Variants in STS observed in about 807,000 individuals in gnomAD.
STS encodes the protein steroid sulfatase, also known as steryl-sulfatase.
Under a neutral mutation model 26.8 loss-of-function variants are expected in STS, and 7 were observed. The observed-to-expected ratio is 0.26, with a 90% CI of 0.15 to 0.49. The LOEUF (loss-of-function observed/expected upper bound fraction) is 0.49. Ranked by LOEUF, STS falls within the 20% of genes least tolerant of loss-of-function variation. The probability of loss-of-function intolerance (pLI) is 0.98; values close to 1 mark genes in which losing one functional copy is unlikely to be tolerated. For synonymous variants in STS, 199 were observed against 189.4 expected, an observed-to-expected ratio of 1.05 and a Z score of -0.42; for missense variants, 434 against 465.6, an observed-to-expected ratio of 0.93 and a Z score of 0.63.
intron 8 of STS, among the ~76,000 whole-genome samples, chrX:7,322,878 C>G (rs946335166): frequency 8.9e-6 from 1 of 112,276 alleles, no homozygotes; most frequent in African/African-American, 3.2e-5. Context: ...TTCTGATCCA[C>G]TCTGAACTCA....
intron 10 of STS, among the ~76,000 whole-genome samples, chrX:7,337,489 C>T (rs1343941747): frequency 8.9e-6 from 1 of 112,265 alleles, no homozygotes; most frequent in Admixed American, 9.5e-5. Flanking sequence ...TAGGTCATCT[C>T]AGATAGACTT....
At chrX:7,148,115 G>C in intron 1 of STS, 32 bp downstream of exon 1, 1 of 1,127,354 alleles carries the variant, frequency 8.9e-7, no homozygotes, top group Non-Finnish European at 1.2e-6. Context: ...CGCCGCCATG[G>C]TGGCGCCTTC....
intron 10 of STS, among the ~76,000 whole-genome samples, chrX:7,338,349 AC>A (rs765864086): frequency 4.5e-5 from 5 of 111,983 alleles, no homozygotes; most frequent in Non-Finnish European, 7.5e-5. Context: ...GAGTCCCCAA[AC>A]CAGCTGGTCA....
intron 1 of STS, among the ~76,000 whole-genome samples, chrX:7,160,521 G>A (rs1474646976): frequency 6.2e-5 from 7 of 112,311 alleles, no homozygotes; most frequent in Admixed American, 4.7e-4. Flanking sequence ...CTGGAGTTTA[G>A]AGGAAAGAAT....
At chrX:7,292,875 G>A (rs761911319) in intron 7 of STS, among the ~76,000 whole-genome samples, 21 of 111,008 alleles carry the variant, frequency 1.9e-4, no homozygotes, top group Non-Finnish European at 3.2e-4. Context: ...GACTGAAGAT[G>A]GAGGTCACTG....
At chrX:7,210,544 CACTT>C (rs1426854879) in intron 2 of STS, among the ~76,000 whole-genome samples, 5 of 104,615 alleles carry the variant, frequency 4.8e-5, no homozygotes, top group East Asian at 5.8e-4. Context: ...AAATAATAAA[CACTT>C]AATACATATT....
At chrX:7,172,514 C>T (rs1192642911) in intron 1 of STS, among the ~76,000 whole-genome samples, 2 of 111,371 alleles carry the variant, frequency 1.8e-5, no homozygotes, top group Non-Finnish European at 3.8e-5. Context: ...CAACACCTGT[C>T]GTTGCTTGTG....
chrX:7,262,210 T>C (rs1278631449), intron 6 of STS, among the ~76,000 whole-genome samples: 1 of 112,584 alleles, frequency 8.9e-6, no homozygotes, highest in Non-Finnish European at 1.9e-5. Context: ...TTCTTGCCCA[T>C]GCAAAATCTA....
chrX:7,197,115 A>G (rs575251056), intron 2 of STS, among the ~76,000 whole-genome samples: 1 of 111,233 alleles, frequency 9.0e-6, no homozygotes, highest in Admixed American at 9.6e-5. Context: ...CCTCAGGGCC[A>G]TCTCCCCAGC....
Position 7,290,318 on chromosome X carries a change from C to T in STS, c.943+14231C>T, listed in dbSNP as rs1210548233. On this transcript the variant is annotated intron_variant, in intron 7 of 10. Coordinates refer to ENST00000674429, the MANE Select transcript of STS (RefSeq NM_001320752.2). Reference sequence around the variant, plus strand: ...TTCTTGTGTTCACTGTCACATTAGACTGTGTCCTGTTGTCACGCTGCCGCT... The same window carrying T: ...TTCTTGTGTTCACTGTCACATTAGATTGTGTCCTGTTGTCACGCTGCCGCT... Among the ~76,000 whole-genome samples, 3 of 111,409 alleles carry T rather than the reference C, an allele frequency of 2.7e-5. No individual in the cohort carries two copies. The Admixed American group carries it at 2.9e-4, about 11-fold the overall frequency.
intron 1 of STS, among the ~76,000 whole-genome samples, chrX:7,183,994 C>T (rs1933728805): frequency 9.9e-6 from 1 of 101,232 alleles, no homozygotes; most frequent in South Asian, 4.8e-4. Context: ...AAGAGTGAAA[C>T]TCCATCTCAA....
At position 7,333,329 on chromosome X, in the gene STS, A is replaced by G. The variant is rs1927849853; in HGVS notation, c.1242-657A>G. Among the ~76,000 whole-genome samples, 5 of 112,209 alleles carry G rather than the reference A, an allele frequency of 4.5e-5. No individual in the cohort carries two copies. In the Admixed American group the frequency reaches 4.7e-4, roughly 11 times the overall value. On this transcript the variant is annotated intron_variant, in intron 9 of 10. Transcript: ENST00000674429. ...AACTATAAGTAATCTTATTTTGCTC[A>G]TCACCAACTGCATATGTCTTATTTT...
intron 10 of STS, among the ~76,000 whole-genome samples, chrX:7,339,003 T>C (rs1375548978): frequency 9.8e-5 from 11 of 112,235 alleles, no homozygotes; most frequent in African/African-American, 3.2e-4. Flanking sequence ...CAGTAAATGG[T>C]TTAAAATCAA....
intron 1 of STS, among the ~76,000 whole-genome samples, chrX:7,152,392 C>T (rs1601615314): frequency 8.9e-6 from 1 of 111,953 alleles, no homozygotes; most frequent in East Asian, 2.8e-4. Flanking sequence ...AGTCGGCTCA[C>T]TGCAACTCCC....
intron 2 of STS, among the ~76,000 whole-genome samples, chrX:7,220,420 G>A (rs1487671110): frequency 1.8e-5 from 2 of 110,644 alleles, no homozygotes; most frequent in Non-Finnish European, 3.8e-5. Context: ...TGGCTTCTGA[G>A]ACAATGGCTA....
chrX:7,160,848 C>G (rs765147925), intron 1 of STS, among the ~76,000 whole-genome samples: 2 of 112,107 alleles, frequency 1.8e-5, no homozygotes, highest in Non-Finnish European at 3.8e-5. Flanking sequence ...AGTGGAAATA[C>G]GTATCCTAAA....
chrX:7,211,465 C>G (rs1215348801), intron 2 of STS, among the ~76,000 whole-genome samples: 1 of 111,548 alleles, frequency 9.0e-6, no homozygotes, highest in Admixed American at 9.5e-5. Flanking sequence ...GTCTGTGGAC[C>G]CCACAGGAAG....
intron 2 of STS, among the ~76,000 whole-genome samples, chrX:7,193,173 T>C (rs1441745890): frequency 8.9e-6 from 1 of 112,651 alleles, no homozygotes; most frequent in Non-Finnish European, 1.9e-5. Flanking sequence ...TCCTAACACT[T>C]AGCAGCTTAA....
chrX:7,307,042 C>T (rs1352161400), intron 8 of STS, among the ~76,000 whole-genome samples: 1 of 111,243 alleles, frequency 9.0e-6, no homozygotes, highest in Non-Finnish European at 1.9e-5. Flanking sequence ...GGGCAGGAAC[C>T]GTCTCCTACA....
Sources: allele counts gnomAD v4.1 joint callset (sites outside exome capture counted in the v4.1 genomes callset), GRCh38; gene constraint gnomAD v4.1.1; transcripts MANE v1.5; gene names NCBI Gene and HGNC (gene_info 2026-07-23, HGNC 2026-07-21).